The following FER variants were observed in gnomAD, a reference collection of about 807,000 sequenced individuals.
FER encodes tyrosine-protein kinase Fer.
Under a neutral mutation model 111.0 loss-of-function variants are expected in FER, and 63 were observed. That is an observed-to-expected ratio of 0.57 (90% confidence interval 0.46 to 0.70). The LOEUF (loss-of-function observed/expected upper bound fraction) is 0.70, where lower values mean the gene tolerates loss of function less well. FER is among the 30% of genes least tolerant of loss of function. FER has a pLI of 0.00. For synonymous variants in FER, 327 were observed against 313.9 expected (o/e 1.04, Z -0.44); for missense variants, 914 against 954.0 (o/e 0.96, Z 0.55).
intron 2 of FER, among the ~76,000 whole-genome samples, chr5:108,788,861 A>T (rs1010532891): frequency 1.3e-4 from 20 of 152,140 alleles, no homozygotes; most frequent in African/African-American, 4.3e-4. Flanking sequence ...TGTCATGATT[A>T]TTGATTTCTA....
chr5:108,749,556 C>A (rs1008144334), intron 1 of FER, among the ~76,000 whole-genome samples: 3 of 152,180 alleles, frequency 2.0e-5, no homozygotes, highest in Non-Finnish European at 4.4e-5. Context: ...TCTGGAGCCC[C>A]GCAGTCTCCC....
chr5:109,060,796 AAC>A (rs140231931), intron 16 of FER, among the ~76,000 whole-genome samples: 13,120 of 151,344 alleles, frequency 0.087, 616 homozygotes, highest in Middle Eastern at 0.14. Flanking sequence ...ATACACACCA[AAC>A]ACACATATGT....
At chr5:109,091,182 C>T (rs527393078) in intron 16 of FER, among the ~76,000 whole-genome samples, 1 of 152,226 alleles carries the variant, frequency 6.6e-6, no homozygotes, top group Non-Finnish European at 1.5e-5. Context: ...GAGGCTGCCA[C>T]TCCCATCATA....
chr5:108,893,809 T>A (rs1178691387), intron 9 of FER, among the ~76,000 whole-genome samples: 1 of 152,002 alleles, frequency 6.6e-6, no homozygotes, highest in East Asian at 1.9e-4. Context: ...TAAAAATCAA[T>A]GAATAGTCGT....
At chr5:108,904,289 G>A (rs536483255) in intron 10 of FER, among the ~76,000 whole-genome samples, 55 of 152,246 alleles carry the variant, frequency 3.6e-4, no homozygotes, top group Admixed American at 6.5e-4. Flanking sequence ...AAGATTGGGG[G>A]CAATAAGGCA....
At chr5:108,989,327 A>T (rs184477688) in intron 13 of FER, among the ~76,000 whole-genome samples, 4 of 152,264 alleles carry the variant, frequency 2.6e-5, no homozygotes, top group Admixed American at 2.6e-4. Context: ...TCTTAAAAAG[A>T]CCAACAACCT....
chr5:108,832,686 ATATT>A (rs951234772), intron 3 of FER, 80 bp from the exon 4 acceptor site: 2 of 946,838 alleles, frequency 2.1e-6, no homozygotes, highest in African/African-American at 1.7e-5. Context: ...ATAAAACTAA[ATATT>A]TAAAGTTTTG....
At chr5:109,179,939 A>G (rs1413519396) in intron 17 of FER, among the ~76,000 whole-genome samples, 1 of 152,196 alleles carries the variant, frequency 6.6e-6, no homozygotes, top group Non-Finnish European at 1.5e-5. Context: ...TGGTCAGGAA[A>G]GAACTCTCTG....
chr5:108,757,130 A>G (rs961217996), intron 1 of FER, among the ~76,000 whole-genome samples: 30 of 152,222 alleles, frequency 2.0e-4, no homozygotes, highest in African/African-American at 7.0e-4. Context: ...TGTAAATGGT[A>G]AAAGTCTGTA....
chr5:108,861,739 A>G (rs929793485), intron 5 of FER, among the ~76,000 whole-genome samples: 5 of 152,196 alleles, frequency 3.3e-5, no homozygotes, highest in South Asian at 4.1e-4. Flanking sequence ...AGTAAATAGA[A>G]TTGTATTAGG....
At chr5:109,093,883 G>A (rs1222916549) in intron 16 of FER, among the ~76,000 whole-genome samples, 2 of 152,042 alleles carry the variant, frequency 1.3e-5, no homozygotes, top group African/African-American at 4.8e-5. Flanking sequence ...GGGGTTTCGA[G>A]CCAACATATT....
At chr5:108,865,988 G>C (rs968348484) in intron 5 of FER, among the ~76,000 whole-genome samples, 37 of 152,112 alleles carry the variant, frequency 2.4e-4, no homozygotes, top group African/African-American at 7.7e-4. Context: ...ACTGTTGGTG[G>C]GACTGTAAAC....
chr5:109,090,954 T>C (rs528650499), intron 16 of FER, among the ~76,000 whole-genome samples: 1 of 152,208 alleles, frequency 6.6e-6, no homozygotes, highest in Admixed American at 6.5e-5. Context: ...CTTGAATGCT[T>C]CTAGGAAAAT....
At chr5:109,183,308 G>A (rs1348548381) in intron 18 of FER, among the ~76,000 whole-genome samples, 2 of 143,450 alleles carry the variant, frequency 1.4e-5, no homozygotes, top group African/African-American at 5.2e-5. Flanking sequence ...GAGCGCAGCA[G>A]CGCGATCTAG....
At chr5:109,072,259 G>A (rs1581905971) in intron 16 of FER, among the ~76,000 whole-genome samples, 1 of 151,266 alleles carries the variant, frequency 6.6e-6, no homozygotes, top group East Asian at 2.0e-4. Context: ...TTCTATGCTC[G>A]CAAATGAAAA....
At chr5:108,894,431 G>T (rs1012833319) in intron 9 of FER, 5 of 543,142 alleles carry the variant, frequency 9.2e-6, no homozygotes, top group African/African-American at 8.0e-5. Context: ...GCATGTATCG[G>T]ACCACTGAGC....
chr5:108,893,620 C>T (rs1340184764), intron 9 of FER, among the ~76,000 whole-genome samples: 1 of 152,056 alleles, frequency 6.6e-6, no homozygotes, highest in Non-Finnish European at 1.5e-5. Context: ...AAACATCCCA[C>T]AGACAGCATG....
intron 14 of FER, 43 bp from the exon 15 acceptor site, chr5:109,044,637 T>C: frequency 2.0e-6 from 2 of 1,002,342 alleles, no homozygotes; most frequent in Non-Finnish European, 3.0e-6. Context: ...AAGATATACA[T>C]GCTGTCATTT....
At chr5:109,144,043 G>C (rs1339420343) in intron 17 of FER, among the ~76,000 whole-genome samples, 1 of 151,860 alleles carries the variant, frequency 6.6e-6, no homozygotes, top group Non-Finnish European at 1.5e-5. Flanking sequence ...GTTTATTGCT[G>C]TGTTTCCATA....
Sources: gnomAD v4.1 joint callset for allele counts (sites outside exome capture counted in the v4.1 genomes callset) on GRCh38, gnomAD v4.1.1 for gene constraint, MANE v1.5 for transcripts, NCBI Gene and HGNC (gene_info 2026-07-23, HGNC 2026-07-21) for gene names.